CADPS: variants seen among roughly 807,000 people sequenced by gnomAD.
CADPS encodes calcium dependent secretion activator, also known as calcium-dependent secretion activator 1.
Under a neutral mutation model 167.3 loss-of-function variants are expected in CADPS, and 57 were observed. The ratio of observed to expected loss-of-function variants is 0.34; its 90% confidence interval spans 0.28 to 0.42. CADPS has a LOEUF of 0.42. Among genes scored for constraint, CADPS ranks in the 20% least tolerant of loss-of-function variants. CADPS has a pLI of 1.00. For synonymous variants in CADPS, 676 were observed against 635.3 expected (o/e 1.06, Z -0.96); for missense variants, 1,414 against 1,738.1 (o/e 0.81, Z 3.32).
chr3:62,523,712 C>T, intron 13 of CADPS, among the ~76,000 whole-genome samples: 1 of 152,286 alleles, frequency 6.6e-6, no homozygotes, highest in East Asian at 1.9e-4. Flanking sequence ...GAAACAGTGT[C>T]TGGTCCACTG....
At chr3:62,490,103 T>C (rs927686413) in intron 21 of CADPS, among the ~76,000 whole-genome samples, 5 of 152,080 alleles carry the variant, frequency 3.3e-5, no homozygotes, top group African/African-American at 7.2e-5. Flanking sequence ...CCTTATACAG[T>C]ATAACATTAG....
At chr3:62,770,024 G>C (rs1198873935) in intron 1 of CADPS, among the ~76,000 whole-genome samples, 1 of 152,214 alleles carries the variant, frequency 6.6e-6, no homozygotes, top group Non-Finnish European at 1.5e-5. Flanking sequence ...GGCTCTGCAT[G>C]ACGTACCCTG....
At position 62,753,204 on chromosome 3, in the gene CADPS, A is replaced by G. The variant is rs2083090033; in HGVS notation, c.888+237T>C. On this transcript the variant is annotated intron_variant, in intron 3 of 29. Coordinates refer to ENST00000383710, the MANE Select transcript of CADPS (RefSeq NM_003716.4). This position sits in a 1 kb window ranked among gnomAD's most constrained non-coding sequence, Gnocchi z 4.6. Reference sequence around the variant, plus strand: ...CTTACCCATTAGACACAATGAGCTCAATGCCTAGGGCCCCTGAGACTTTTA... The same window carrying G: ...CTTACCCATTAGACACAATGAGCTCGATGCCTAGGGCCCCTGAGACTTTTA... 6.6e-6 allele frequency among the ~76,000 whole-genome samples: 1 copy of G among 152,204 alleles called. No individual in the cohort carries two copies. The highest frequency in any genetic ancestry group is 2.4e-5 in the African/African-American group (1 of 41,436).
At chr3:62,736,712 C>T (rs1422146575) in intron 3 of CADPS, among the ~76,000 whole-genome samples, 2 of 152,172 alleles carry the variant, frequency 1.3e-5, no homozygotes, top group Non-Finnish European at 2.9e-5. Flanking sequence ...GGAAACAATG[C>T]TAGAATATGA....
Position 62,766,000 on chromosome 3 carries a change from A to T in CADPS, c.442-16T>A. On this transcript the variant is annotated splice_polypyrimidine_tract_variant and intron_variant, in intron 1 of 29. Coordinates refer to ENST00000383710, the MANE Select transcript of CADPS (RefSeq NM_003716.4). ...GTTTGCTGATCTGTAAGAAACAGAA[A>T]AAGAGGGAAATGTGAGAACTTGTCC... The T allele has an allele frequency of 6.4e-7, 1 of 1,564,242 alleles. No homozygotes were observed. Among genetic ancestry groups the T allele is most frequent in the East Asian group, 2.2e-5 (1 of 44,580 alleles).
chr3:62,762,415 G>T (rs972459858), intron 2 of CADPS, among the ~76,000 whole-genome samples: 4 of 152,188 alleles, frequency 2.6e-5, no homozygotes, highest in Admixed American at 1.3e-4. Flanking sequence ...CCAGCATTTT[G>T]GGGGGCCAAT....
intron 9 of CADPS, among the ~76,000 whole-genome samples, chr3:62,566,742 G>A (rs945555075): frequency 3.9e-5 from 6 of 152,118 alleles, no homozygotes; most frequent in Non-Finnish European, 7.4e-5. Flanking sequence ...GTGATGATGG[G>A]ACTCTCACGT....
chr3:62,586,387 T>C (rs911483545), intron 7 of CADPS, among the ~76,000 whole-genome samples: 2 of 152,178 alleles, frequency 1.3e-5, no homozygotes, highest in African/African-American at 4.8e-5. Context: ...TCTGGCCTTC[T>C]AGATGCTGTA....
intron 6 of CADPS, among the ~76,000 whole-genome samples, chr3:62,599,029 A>G (rs1023265843): frequency 6.6e-6 from 1 of 152,076 alleles, no homozygotes; most frequent in African/African-American, 2.4e-5. Context: ...AAATGAATCT[A>G]TTTTGTTCTC....
rs1381813426 is a variant in CADPS at position 62,493,669 on chromosome 3, G to A, written c.2707-4C>T. Reference sequence around the variant, plus strand: ...CTTCTCCTTTATCAACATGTGGCTGGTTTGCAAATTAAATGAAAAAAATCA... The same window carrying A: ...CTTCTCCTTTATCAACATGTGGCTGATTTGCAAATTAAATGAAAAAAATCA... On this transcript the variant is annotated splice_polypyrimidine_tract_variant and splice_region_variant and intron_variant, in intron 18 of 29. Transcript: ENST00000383710. 6.4e-7 allele frequency: 1 copy of A among 1,554,870 alleles called. No homozygotes were observed. The highest frequency in any genetic ancestry group is 1.9e-5 in the Admixed American group (1 of 51,362).
intron 3 of CADPS, among the ~76,000 whole-genome samples, chr3:62,751,120 A>G (rs529940007): frequency 1.2e-3 from 180 of 152,298 alleles, no homozygotes; most frequent in Non-Finnish European, 2.2e-3. Flanking sequence ...TGCCACAGTA[A>G]GTTTAGAGAA....
In CADPS at chr3:62,585,271, C is replaced by A; in HGVS notation, c.1491G>T (p.Met497Ile). The stretch of plus-strand genomic sequence containing the variant: ...GGTCGGGGCAGTTTTTGGAGACTGT[C>A]ATTTTGTGCCACTCTGACTGTTTGG... ...NSPKQSEWHK[M>I]TVSKNCPDQD... Residue 497 changes from methionine (M) to isoleucine (I), a missense_variant, in exon 8 of 30, where the codon ATG becomes ATT. Met to Ile is a conservative substitution (Grantham distance 10). Around this residue, in one of 6 missense-constraint regions of CADPS, gnomAD observed 157 missense variants for 229.4 expected, o/e 0.68. Coordinates refer to ENST00000383710, the MANE Select transcript of CADPS (RefSeq NM_003716.4). 2 of 1,613,884 alleles carry A rather than the reference C, an allele frequency of 1.2e-6. No homozygotes were observed. The highest frequency in any genetic ancestry group is 1.7e-6 in the Non-Finnish European group (2 of 1,179,852).
chr3:62,837,874 G>A (rs2076117910), intron 1 of CADPS, among the ~76,000 whole-genome samples: 1 of 152,130 alleles, frequency 6.6e-6, no homozygotes, highest in East Asian at 1.9e-4. Flanking sequence ...GCAAGTCCAA[G>A]TACTGCCACA....
chr3:62,762,326 T>C (rs1324806655), intron 2 of CADPS, among the ~76,000 whole-genome samples: 1 of 152,150 alleles, frequency 6.6e-6, no homozygotes, highest in Non-Finnish European at 1.5e-5. Flanking sequence ...ATTTACATTG[T>C]ATTAGTTTTT....
rs1311396812 is a variant in CADPS at position 62,399,549 on chromosome 3, C to A, written c.3919G>T (p.Asp1307Tyr). ...TAGGTCTTGCTGTTTAAGGTGGAGTCCAGGACCCCTTGCAATCGGAAATCT... is the reference window on the plus strand; with the variant it reads ...TAGGTCTTGCTGTTTAAGGTGGAGTACAGGACCCCTTGCAATCGGAAATCT... Reference protein sequence around the residue: ...YRDFRLQGVLDSTLNSKTYET... With the variant: ...YRDFRLQGVLYSTLNSKTYET... Residue 1307 changes from aspartate (D) to tyrosine (Y), a missense_variant, in exon 30 of 30, where the codon GAC becomes TAC. Physicochemically the swap from Asp to Tyr is radical, Grantham distance 160. This residue lies in a region of CADPS where 185 missense variants were observed against 251.5 expected (regional missense o/e 0.74). Coordinates refer to ENST00000383710, the MANE Select transcript of CADPS (RefSeq NM_003716.4). This position sits in a 1 kb window ranked among gnomAD's most constrained non-coding sequence, Gnocchi z 5.6. 7.4e-6 allele frequency: 12 copies of A among 1,613,854 alleles called. No individual in the cohort carries two copies. Among genetic ancestry groups the A allele is most frequent in the Non-Finnish European group, 9.3e-6 (11 of 1,179,950 alleles).
chr3:62,766,246 T>C (rs1344044775), intron 1 of CADPS, among the ~76,000 whole-genome samples: 1 of 152,186 alleles, frequency 6.6e-6, no homozygotes, highest in African/African-American at 2.4e-5. Context: ...CCTAGTTATT[T>C]TACCACATTT....
chr3:62,408,593 T>C (rs4688128), intron 28 of CADPS, among the ~76,000 whole-genome samples: 38,642 of 152,166 alleles, frequency 0.25, 5,372 homozygotes, highest in South Asian at 0.4. Context: ...ATCAGCTATA[T>C]AGAGTGTTGC....
intron 1 of CADPS, among the ~76,000 whole-genome samples, chr3:62,824,383 T>C (rs896438833): frequency 6.6e-6 from 1 of 152,128 alleles, no homozygotes; most frequent in African/African-American, 2.4e-5. Context: ...GAAGTCATGT[T>C]TTAGGCTATG....
intron 3 of CADPS, among the ~76,000 whole-genome samples, chr3:62,739,507 T>A (rs2079726408): frequency 6.6e-6 from 1 of 152,216 alleles, no homozygotes; most frequent in Non-Finnish European, 1.5e-5. Flanking sequence ...AACACATCCC[T>A]TATAAAGGTA....
Sources: gnomAD v4.1 joint callset for allele counts (sites outside exome capture counted in the v4.1 genomes callset) on GRCh38, gnomAD v4.1.1 for gene constraint, gnomAD v4.1.1 regional missense constraint, Gnocchi (gnomAD v3.1) non-coding constraint, MANE v1.5 for transcripts, NCBI Gene and HGNC (gene_info 2026-07-23, HGNC 2026-07-21) for gene names.